CNST: variants seen among roughly 807,000 people sequenced by gnomAD.
The protein encoded by CNST is consortin.
Under a neutral mutation model 72.4 loss-of-function variants are expected in CNST, and 39 were observed. The observed-to-expected ratio is 0.54, with a 90% CI of 0.42 to 0.70. The LOEUF (loss-of-function observed/expected upper bound fraction) is 0.70, where lower values mean the gene tolerates loss of function less well. Among genes scored for constraint, CNST ranks in the 30% least tolerant of loss-of-function variants. The pLI is 0.00. For missense variants in CNST, 871 were observed against 868.5 expected (o/e 1.00, Z -0.04); for synonymous variants, 332 against 320.1 (o/e 1.04, Z -0.40).
chr1:246,583,457 C>T (rs140437622), intron 1 of CNST, among the ~76,000 whole-genome samples: 3 of 152,326 alleles, frequency 2.0e-5, no homozygotes, highest in Admixed American at 1.3e-4. Context: ...GGTTTATAGA[C>T]ATAGCGTATA....
intron 3 of CNST, among the ~76,000 whole-genome samples, chr1:246,626,521 A>C (rs1428264414): frequency 2.1e-5 from 3 of 139,648 alleles, no homozygotes; most frequent in African/African-American, 8.2e-5. Flanking sequence ...GCAGTGGCAC[A>C]ATCTTGGCTC....
intron 9 of CNST, among the ~76,000 whole-genome samples, chr1:246,659,331 A>C (rs193289857): frequency 1.3e-5 from 2 of 152,338 alleles, no homozygotes; most frequent in Non-Finnish European, 2.9e-5. Flanking sequence ...GCGGTGGCTC[A>C]CACCTGTAAT....
At chr1:246,649,558 T>A (rs549660245) in intron 9 of CNST, among the ~76,000 whole-genome samples, 1 of 152,154 alleles carries the variant, frequency 6.6e-6, no homozygotes, top group African/African-American at 2.4e-5. Context: ...AACAATCAAG[T>A]TGACCATAAA....
At chr1:246,612,483 G>A (rs891320010) in intron 2 of CNST, among the ~76,000 whole-genome samples, 17 of 152,316 alleles carry the variant, frequency 1.1e-4, no homozygotes, top group African/African-American at 2.6e-4. Flanking sequence ...GATTACAGGC[G>A]TGAGCCACCG....
At chr1:246,603,518 G>A (rs1572156828) in intron 2 of CNST, among the ~76,000 whole-genome samples, 1 of 152,140 alleles carries the variant, frequency 6.6e-6, no homozygotes, top group East Asian at 1.9e-4. Flanking sequence ...TTTAAACAAA[G>A]TTATATGCGC....
chr1:246,571,988 C>A (rs1660096434), intron 1 of CNST, among the ~76,000 whole-genome samples: 1 of 152,052 alleles, frequency 6.6e-6, no homozygotes, highest in Non-Finnish European at 1.5e-5. Context: ...TTTTTTCTAC[C>A]TTAGCTGCAT....
chr1:246,573,441 A>G (rs1489641589), intron 1 of CNST, among the ~76,000 whole-genome samples: 1 of 152,246 alleles, frequency 6.6e-6, no homozygotes, highest in Non-Finnish European at 1.5e-5. Flanking sequence ...CTGTATTTCA[A>G]AATAACCTAA....
At position 246,632,140 on chromosome 1, in the gene CNST, C is replaced by G. The variant is rs1213203481; in HGVS notation, c.616+216C>G. On this transcript the variant is annotated intron_variant, in intron 4 of 10. Coordinates refer to ENST00000366513, the MANE Select transcript of CNST (RefSeq NM_152609.3). ...TTTCCTAGAACCATCCAAAGTTTAC[C>G]TTCATAAATAGGCCTTAATTTTACT... 6.8e-6 allele frequency: 3 copies of G among 442,046 alleles called. No individual in the cohort carries two copies. In the East Asian group the frequency reaches 1.1e-4, roughly 16 times the overall value. 27.4% of individuals were successfully genotyped at this position (442,046 alleles called of 1,614,324 possible).
At position 246,668,148 on chromosome 1, in the gene CNST, T is replaced by C. The variant is rs1424837782; in HGVS notation, c.*2243T>C. ...TTTTTAAAAATGTCATAGTTATCTA[T>C]TGCATGAACTGGAGTAATTCCACCT... On this transcript the variant is annotated 3_prime_UTR_variant, in exon 11 of 11. Coordinates refer to ENST00000366513, the MANE Select transcript of CNST (RefSeq NM_152609.3). The C allele has an allele frequency of 6.6e-6, 1 of 152,224 alleles. No individual in the cohort carries two copies. The highest frequency in any genetic ancestry group is 1.5e-5 in the Non-Finnish European group (1 of 68,036). 9.4% of individuals were successfully genotyped at this position (152,224 alleles called of 1,614,324 possible). A position where few individuals can be genotyped will look rare whatever the true frequency, so the allele number is the denominator to read the frequency against.
At chr1:246,635,008 G>T (rs74344878) in intron 6 of CNST, among the ~76,000 whole-genome samples, 2 of 94,116 alleles carry the variant, frequency 2.1e-5, no homozygotes, top group Non-Finnish European at 4.6e-5. Context: ...TCCTGCTTCT[G>T]CTTCTCGCTG....
intron 2 of CNST, among the ~76,000 whole-genome samples, chr1:246,597,308 C>T (rs1233950244): frequency 6.6e-6 from 1 of 152,140 alleles, no homozygotes; most frequent in Non-Finnish European, 1.5e-5. Context: ...AGTATATTCA[C>T]AAAGTTGTAC....
intron 9 of CNST, 40 bp from the exon 10 acceptor site, chr1:246,660,159 C>G: frequency 6.4e-7 from 1 of 1,560,612 alleles, no homozygotes. Flanking sequence ...AGATGTCCCG[C>G]CTTAATAAAA....
At chr1:246,608,698 G>A (rs1310696404) in intron 2 of CNST, among the ~76,000 whole-genome samples, 1 of 152,124 alleles carries the variant, frequency 6.6e-6, no homozygotes, top group African/African-American at 2.4e-5. Context: ...GGGGAGCCTT[G>A]GCCGTTAGCA....
chr1:246,599,060 A>G (rs769862846), intron 2 of CNST, among the ~76,000 whole-genome samples: 1 of 151,990 alleles, frequency 6.6e-6, no homozygotes, highest in Non-Finnish European at 1.5e-5. Context: ...AAGGCAGGCC[A>G]TGTCTTTTCT....
At chr1:246,577,808 A>G (rs140343559) in intron 1 of CNST, among the ~76,000 whole-genome samples, 1 of 152,204 alleles carries the variant, frequency 6.6e-6, no homozygotes, top group East Asian at 1.9e-4. Context: ...GAACTAAAAC[A>G]GTCTGTGCAT....
intron 2 of CNST, among the ~76,000 whole-genome samples, chr1:246,619,710 G>A (rs948604315): frequency 6.6e-6 from 1 of 152,220 alleles, no homozygotes; most frequent in African/African-American, 2.4e-5. Context: ...AGAAAGGCAG[G>A]AAGTATTTTA....
chr1:246,652,794 G>A lies in CNST; in HGVS notation c.1836+4757G>A, dbSNP rs1422857442. Reference sequence around the variant, plus strand: ...CCAAGGCGGGCGGATCACGAGGTCAGGAGATCGAGACCATCCTGGCTAACA... The same window carrying A: ...CCAAGGCGGGCGGATCACGAGGTCAAGAGATCGAGACCATCCTGGCTAACA... On this transcript the variant is annotated intron_variant, in intron 9 of 10. Coordinates refer to ENST00000366513, the MANE Select transcript of CNST (RefSeq NM_152609.3). Among the ~76,000 whole-genome samples the A allele has an allele frequency of 6.6e-5, 10 of 151,402 alleles. No homozygotes were observed. In the East Asian group the frequency reaches 1.9e-3, roughly 29 times the overall value.
intron 2 of CNST, among the ~76,000 whole-genome samples, chr1:246,616,365 A>G (rs1316211293): frequency 6.6e-6 from 1 of 152,082 alleles, no homozygotes; most frequent in Non-Finnish European, 1.5e-5. Flanking sequence ...CCTGGGCAAC[A>G]TAGCAAGACA....
intron 2 of CNST, among the ~76,000 whole-genome samples, chr1:246,599,708 G>A (rs1222455648): frequency 6.6e-6 from 1 of 152,132 alleles, no homozygotes; most frequent in Non-Finnish European, 1.5e-5. Flanking sequence ...TCTGGGTATG[G>A]GGACATGGGC....
Sources: gnomAD v4.1 joint callset for allele counts (sites outside exome capture counted in the v4.1 genomes callset) on GRCh38, gnomAD v4.1.1 for gene constraint, MANE v1.5 for transcripts, NCBI Gene and HGNC (gene_info 2026-07-23, HGNC 2026-07-21) for gene names.